Variants in DST observed in about 807,000 individuals in gnomAD.
DST encodes dystonin.
DST carries 253 observed loss-of-function variants against 875.2 expected under a neutral mutation model. The observed-to-expected ratio is 0.29, with a 90% CI of 0.26 to 0.32. The LOEUF (loss-of-function observed/expected upper bound fraction) is 0.32. Among genes scored for constraint, DST ranks in the 10% least tolerant of loss-of-function variants. DST has a pLI of 1.00. For synonymous variants in DST, 3,124 were observed against 3,197.1 expected (o/e 0.98, Z 0.77); for missense variants, 8,287 against 9,111.6 (o/e 0.91, Z 3.68).
At chr6:56,459,828 CAG>C (rs972397980) in intron 103 of DST, among the ~76,000 whole-genome samples, 1 of 152,204 alleles carries the variant, frequency 6.6e-6, no homozygotes, top group African/African-American at 2.4e-5. Flanking sequence ...CACCCCAAAA[CAG>C]GGCCCTGTGC....
chr6:56,525,345 C>T (rs760367519), intron 69 of DST, among the ~76,000 whole-genome samples: 3 of 152,156 alleles, frequency 2.0e-5, no homozygotes, highest in Non-Finnish European at 4.4e-5. Context: ...CACACAAATA[C>T]ATTCCTCAAG....
rs371972270 is a variant in DST at position 56,604,200 on chromosome 6, C to A, written c.10428G>T (p.Glu3476Asp). The change falls in exon 40 of 104, where the codon GAG becomes GAT. Residue 3476 changes from glutamate (E) to aspartate (D), a missense_variant. This residue lies in a region of DST where 3,138 missense variants were observed against 3,116.6 expected (regional missense o/e 1.01). Coordinates refer to ENST00000680361, the MANE Select transcript of DST (RefSeq NM_001374736.1). ...GTACTTTAGACGTAATGCCTCTTTT[C>A]TCTAGGTCATACTCCATATGAGTTA... ...RELTHMEYDL[E>D]KRGITSKVLP... 4.2e-5 allele frequency: 67 copies of A among 1,604,800 alleles called. No homozygotes were observed. Among genetic ancestry groups the A allele is most frequent in the Non-Finnish European group, 5.4e-5 (63 of 1,174,962 alleles).
At position 56,471,862 on chromosome 6, in the gene DST, C is replaced by T. The variant is rs2094912412; in HGVS notation, c.22158+197G>A. ...TTTTACTTCATTGATTCCCTAAATC[C>T]AAATCCCATATATCAATATTTCACA... On this transcript the variant is annotated intron_variant, in intron 94 of 103. Coordinates refer to ENST00000680361, the MANE Select transcript of DST (RefSeq NM_001374736.1). The T allele has an allele frequency of 1.3e-5, 8 of 622,562 alleles. No individual in the cohort carries two copies. In the East Asian group the frequency reaches 2.0e-4, roughly 15 times the overall value. 38.6% of individuals were successfully genotyped at this position (622,562 alleles called of 1,614,324 possible). A position where few individuals can be genotyped will look rare whatever the true frequency, so the allele number is the denominator to read the frequency against.
chr6:56,604,321 C>G lies in DST; in HGVS notation c.10307G>C (p.Cys3436Ser), dbSNP rs1296968910. The change falls in exon 40 of 104, where the codon TGT becomes TCT. Residue 3436 changes from cysteine (C) to serine (S), a missense_variant. Cys to Ser is a moderately radical substitution (Grantham distance 112). Transcript: ENST00000680361. ...LKPESRDDPFCIGNLKSELLL... is the reference protein window; with the variant it reads ...LKPESRDDPFSIGNLKSELLL... ...AAGCTCAGACTTAAGATTTCCAATACAGAAAGGATCATCTCTACTTTCTGG... is the reference window on the plus strand; with the variant it reads ...AAGCTCAGACTTAAGATTTCCAATAGAGAAAGGATCATCTCTACTTTCTGG... 6.2e-7 allele frequency: 1 copy of G among 1,612,280 alleles called. No individual in the cohort carries two copies. The highest frequency in any genetic ancestry group is 1.3e-5 in the African/African-American group (1 of 74,842).
intron 5 of DST, among the ~76,000 whole-genome samples, chr6:56,729,369 C>A (rs2099486912): frequency 6.6e-6 from 1 of 151,994 alleles, no homozygotes; most frequent in Non-Finnish European, 1.5e-5. Context: ...GGCGGGCAGA[C>A]CACCTCAGGT....
chr6:56,603,747 C>A (rs775160771), intron 40 of DST, 34 bp from the exon 41 acceptor site: 269 of 1,583,462 alleles, frequency 1.7e-4, no homozygotes, highest in Non-Finnish European at 2.2e-4. Flanking sequence ...AATTCAATAA[C>A]CTTTATGCAG....
At chr6:56,518,125 C>G (rs2096631022) in intron 69 of DST, among the ~76,000 whole-genome samples, 1 of 152,070 alleles carries the variant, frequency 6.6e-6, no homozygotes, top group Non-Finnish European at 1.5e-5. Context: ...TCTATATATG[C>G]AGAGTATACC....
At chr6:56,597,694 A>T (rs1486778568) in intron 47 of DST, 46 bp downstream of exon 47, 1 of 1,564,484 alleles carries the variant, frequency 6.4e-7, no homozygotes, top group South Asian at 1.2e-5. Context: ...CTCTTTACCA[A>T]CCTGGAAATA....
intron 3 of DST, among the ~76,000 whole-genome samples, chr6:56,876,826 C>T (rs769961190): frequency 1.2e-4 from 18 of 152,176 alleles, no homozygotes; most frequent in Non-Finnish European, 2.4e-4. Flanking sequence ...TCTGTCCAGG[C>T]CCAGGAAAGG....
At chr6:56,693,301 T>C in intron 9 of DST, 2 of 1,173,286 alleles carry the variant, frequency 1.7e-6, no homozygotes, top group Non-Finnish European at 2.1e-6. Flanking sequence ...CCATTTTGCT[T>C]ATGAGAAAGG....
intron 5 of DST, among the ~76,000 whole-genome samples, chr6:56,721,084 G>A (rs62412545): frequency 2.7e-5 from 4 of 150,222 alleles, no homozygotes; most frequent in South Asian, 2.1e-4. Context: ...CCTCCCAGAC[G>A]GGGCGGCTGC....
Position 56,643,031 on chromosome 6 carries a change from G to C in DST, c.1779-528C>G, listed in dbSNP as rs202124984. 9 of 827,474 alleles carry C rather than the reference G, an allele frequency of 1.1e-5. No homozygotes were observed. The East Asian group carries it at 2.6e-4, about 24-fold the overall frequency. 51.3% of individuals were successfully genotyped at this position (827,474 alleles called of 1,614,324 possible). On this transcript the variant is annotated intron_variant, in intron 15 of 103. Coordinates refer to ENST00000680361, the MANE Select transcript of DST (RefSeq NM_001374736.1). ...AGCTGAGGTTTGCCTTTTGTAGCTT[G>C]TATTAAAACCCTACAAGTATGAACA...
At chr6:56,517,965 T>C (rs886440655) in intron 69 of DST, among the ~76,000 whole-genome samples, 17 of 152,152 alleles carry the variant, frequency 1.1e-4, no homozygotes, top group Non-Finnish European at 5.9e-5. Context: ...CCAGGTACCA[T>C]CTTTTAATCA....
At position 56,530,150 on chromosome 6, in the gene DST, A is replaced by T; in HGVS notation, c.17109-17T>A. ...TGACGATTCCTACAAATGTGCCAAA[A>T]GGTCATTTAGGGATGAAGAATGTGT... On this transcript the variant is annotated splice_polypyrimidine_tract_variant and intron_variant, in intron 64 of 103. Coordinates refer to ENST00000680361, the MANE Select transcript of DST (RefSeq NM_001374736.1). The T allele has an allele frequency of 6.5e-7, 1 of 1,549,316 alleles. No homozygotes were observed. Among genetic ancestry groups the T allele is most frequent in the Non-Finnish European group, 8.7e-7 (1 of 1,150,542 alleles).
In DST at chr6:56,527,408, T is replaced by G. The variant is rs910984125; in HGVS notation, c.17922+85A>C. The stretch of plus-strand genomic sequence containing the variant: ...GCATCCTTCAGCATATGTAATGACA[T>G]AAGACAAATATAATTTTATTTTTGT... On this transcript the variant is annotated intron_variant, in intron 68 of 103. Transcript: ENST00000680361. 3 of 1,477,978 alleles carry G rather than the reference T, an allele frequency of 2.0e-6. No homozygotes were observed. In the Admixed American group the frequency reaches 6.9e-5, roughly 34 times the overall value. The allele number at this position is 1,477,978 out of a possible 1,614,324, so 91.6% of individuals were successfully genotyped here. A position where few individuals can be genotyped will look rare whatever the true frequency, so the allele number is the denominator to read the frequency against.
At chr6:56,720,548 TG>T (rs1563855888) in intron 5 of DST, among the ~76,000 whole-genome samples, 1 of 152,062 alleles carries the variant, frequency 6.6e-6, no homozygotes, top group Non-Finnish European at 1.5e-5. Context: ...TAGGGAGTGG[TG>T]ATGACTCTTA....
intron 2 of DST, among the ~76,000 whole-genome samples, chr6:56,923,690 G>A (rs1294583530): frequency 6.6e-6 from 1 of 152,164 alleles, no homozygotes; most frequent in African/African-American, 2.4e-5. Flanking sequence ...AGGCACTCAA[G>A]TGTAAAATTC....
At chr6:56,796,756 G>T (rs1590632178) in intron 4 of DST, among the ~76,000 whole-genome samples, 1 of 151,826 alleles carries the variant, frequency 6.6e-6, no homozygotes, top group East Asian at 1.9e-4. Context: ...GTTATATACT[G>T]TAGTAACGTA....
intron 5 of DST, among the ~76,000 whole-genome samples, chr6:56,706,937 G>A (rs188008722): frequency 4.1e-4 from 63 of 152,290 alleles, no homozygotes; most frequent in Non-Finnish European, 6.9e-4. Flanking sequence ...CCCAAGAGGC[G>A]GAGGTTGCAG....
Sources: allele counts gnomAD v4.1 joint callset (sites outside exome capture counted in the v4.1 genomes callset), GRCh38; gene constraint gnomAD v4.1.1; regional missense constraint gnomAD v4.1.1; transcripts MANE v1.5; gene names NCBI Gene and HGNC (gene_info 2026-07-23, HGNC 2026-07-21).